TENM2: variants seen among roughly 807,000 people sequenced by gnomAD.
TENM2 encodes the protein teneurin transmembrane protein 2, also known as teneurin-2.
TENM2 carries 52 observed loss-of-function variants against 245.2 expected under a neutral mutation model. The observed-to-expected ratio is 0.21, with a 90% CI of 0.17 to 0.27. The LOEUF is 0.27. Ranked by LOEUF, TENM2 falls within the 10% of genes least tolerant of loss-of-function variation. The pLI is 1.00. For synonymous variants in TENM2, 1,363 were observed against 1,438.9 expected (o/e 0.95, Z 1.19); for missense variants, 3,046 against 3,666.8 (o/e 0.83, Z 4.37).
chr5:167,467,136 G>A (rs1766712126), intron 2 of TENM2, among the ~76,000 whole-genome samples: 1 of 152,132 alleles, frequency 6.6e-6, no homozygotes, highest in Non-Finnish European at 1.5e-5. Flanking sequence ...ATCCCCAAGT[G>A]TTAAGGGAGT....
chr5:167,479,009 C>T (rs1366950294), intron 2 of TENM2, among the ~76,000 whole-genome samples: 1 of 132,126 alleles, frequency 7.6e-6, no homozygotes, highest in Non-Finnish European at 1.6e-5. Flanking sequence ...TGTGTGTATA[C>T]AGGTACATGT....
At chr5:168,228,679 C>CCTTTTAAAGTATGTTCTTTGCACTCA (rs1161340839) in intron 25 of TENM2, among the ~76,000 whole-genome samples, 24 of 152,072 alleles carry the variant, frequency 1.6e-4, no homozygotes, top group South Asian at 6.2e-4. Context: ...GAGGTACATG[C>CCTTTTAAAGTATGTTCTTTGCACTCA]AGGGTCTGAT....
intron 2 of TENM2, among the ~76,000 whole-genome samples, chr5:167,421,350 A>G (rs1581994911): frequency 1.3e-5 from 2 of 152,318 alleles, no homozygotes; most frequent in East Asian, 3.9e-4. Flanking sequence ...TAACATTTCC[A>G]GTGTACACAC....
intron 2 of TENM2, among the ~76,000 whole-genome samples, chr5:167,456,088 C>G (rs1200619850): frequency 3.9e-5 from 6 of 152,114 alleles, no homozygotes; most frequent in African/African-American, 1.4e-4. Flanking sequence ...CTAATAGATT[C>G]TACCATGAAG....
chr5:167,956,588 G>A (rs1029442061), intron 4 of TENM2, among the ~76,000 whole-genome samples: 1 of 152,168 alleles, frequency 6.6e-6, no homozygotes, highest in Non-Finnish European at 1.5e-5. Context: ...TGGCCATTCA[G>A]TGTGATATTG....
chr5:168,028,393 C>G (rs1786811251), intron 5 of TENM2, among the ~76,000 whole-genome samples: 1 of 152,020 alleles, frequency 6.6e-6, no homozygotes, highest in Non-Finnish European at 1.5e-5. Flanking sequence ...CTCTTCTAGG[C>G]AGAGACCCAT....
At chr5:168,091,001 G>A (rs376787143) in intron 8 of TENM2, among the ~76,000 whole-genome samples, 1 of 152,094 alleles carries the variant, frequency 6.6e-6, no homozygotes, top group East Asian at 1.9e-4. Context: ...AAGAGTTTGG[G>A]TCAGACTGCC....
chr5:167,498,910 T>C (rs1768995727), intron 2 of TENM2, among the ~76,000 whole-genome samples: 4 of 152,130 alleles, frequency 2.6e-5, no homozygotes, highest in Admixed American at 2.0e-4. Context: ...CATGTACAAT[T>C]GCTTGTATTT....
At chr5:168,076,186 T>A (rs1283416545) in intron 7 of TENM2, among the ~76,000 whole-genome samples, 1 of 22,324 alleles carries the variant, frequency 4.5e-5, no homozygotes, top group Non-Finnish European at 8.8e-5. Context: ...TTATTTTATT[T>A]TATTTTATTT....
At chr5:167,611,426 A>G (rs565665845) in intron 2 of TENM2, among the ~76,000 whole-genome samples, 2 of 152,200 alleles carry the variant, frequency 1.3e-5, no homozygotes, top group South Asian at 4.1e-4. Flanking sequence ...GGTTGCATCC[A>G]GGAGGTGCCA....
intron 2 of TENM2, among the ~76,000 whole-genome samples, chr5:167,520,547 A>C (rs2127581134): frequency 6.6e-6 from 1 of 152,238 alleles, no homozygotes; most frequent in Admixed American, 6.5e-5. Flanking sequence ...CATGTTTAGA[A>C]AAGATGAAAG....
At chr5:168,206,335 A>G (rs1437945032) in intron 19 of TENM2, among the ~76,000 whole-genome samples, 1 of 152,250 alleles carries the variant, frequency 6.6e-6, no homozygotes, top group Non-Finnish European at 1.5e-5. Flanking sequence ...CTGCAGCCTC[A>G]GTGATCCAGT....
Position 168,150,183 on chromosome 5 carries a change from T to C in TENM2, c.2423-12428T>C, listed in dbSNP as rs572721774. On this transcript the variant is annotated intron_variant, in intron 12 of 28. Coordinates refer to ENST00000518659, the Ensembl canonical transcript of TENM2. ...AGACTTTGTCTCTTTCATTGACTAC[T>C]GTATGCCCCTTGTCTAGAAACTACC... Among the ~76,000 whole-genome samples the C allele has an allele frequency of 1.4e-3, 88 of 61,024 alleles. 1 individual carries two copies. In the Middle Eastern group the frequency reaches 0.042, roughly 29 times the overall value. The allele number at this position is 61,024 out of a possible 152,430, so 40.0% of individuals were successfully genotyped here. A position where few individuals can be genotyped will look rare whatever the true frequency, so the allele number is the denominator to read the frequency against.
chr5:167,542,518 C>T (rs988528033), intron 2 of TENM2, among the ~76,000 whole-genome samples: 1 of 152,098 alleles, frequency 6.6e-6, no homozygotes, highest in South Asian at 2.1e-4. Flanking sequence ...GCCCAGGAAT[C>T]CAAATGTTAG....
intron 5 of TENM2, among the ~76,000 whole-genome samples, chr5:168,008,470 T>C (rs545354996): frequency 6.6e-6 from 1 of 152,248 alleles, no homozygotes; most frequent in South Asian, 2.1e-4. Flanking sequence ...TAGTAGATGC[T>C]CCATAAATAT....
intron 2 of TENM2, among the ~76,000 whole-genome samples, chr5:167,706,766 G>C (rs901039677): frequency 4.6e-5 from 7 of 151,846 alleles, no homozygotes; most frequent in Admixed American, 3.9e-4. Flanking sequence ...TGTAATCCCA[G>C]CACTTTGGGA....
intron 2 of TENM2, among the ~76,000 whole-genome samples, chr5:167,818,471 A>G (rs1767242794): frequency 6.6e-6 from 1 of 152,196 alleles, no homozygotes; most frequent in East Asian, 1.9e-4. Flanking sequence ...AGAGCTAACT[A>G]AGTACTTTAC....
chr5:168,154,147 T>TAAAAAAAAAAAACAAA (rs1756908096), intron 12 of TENM2, among the ~76,000 whole-genome samples: 1 of 85,100 alleles, frequency 1.2e-5, no homozygotes, highest in Non-Finnish European at 2.5e-5. Context: ...TCACCTACTT[T>TAAAAAAAAAAAACAAA]AAAAAAAAAA....
In TENM2 at chr5:167,822,157, T is replaced by C. The variant is rs554346141; in HGVS notation, c.503-53829T>C. Among the ~76,000 whole-genome samples, 10 of 151,996 alleles carry C rather than the reference T, an allele frequency of 6.6e-5. No individual in the cohort carries two copies. In the South Asian group the frequency reaches 1.9e-3, roughly 28 times the overall value. ...GGAAAGAGCATGCCCATCTGTGAAATGGGCTTGGGATTTGATTAAAAATGT... is the reference window on the plus strand; with the variant it reads ...GGAAAGAGCATGCCCATCTGTGAAACGGGCTTGGGATTTGATTAAAAATGT... On this transcript the variant is annotated intron_variant, in intron 2 of 28. Coordinates refer to ENST00000518659, the Ensembl canonical transcript of TENM2.
Sources: gnomAD v4.1 joint callset for allele counts (sites outside exome capture counted in the v4.1 genomes callset) on GRCh38, gnomAD v4.1.1 for gene constraint, MANE v1.5 for transcripts, NCBI Gene and HGNC (gene_info 2026-07-23, HGNC 2026-07-21) for gene names.